Variants in COQ8A observed in about 807,000 individuals in gnomAD.
The protein encoded by COQ8A is atypical kinase COQ8A, mitochondrial.
Under a neutral mutation model 65.0 loss-of-function variants are expected in COQ8A, and 51 were observed. The ratio of observed to expected loss-of-function variants is 0.78; its 90% CI spans 0.63 to 0.99. COQ8A has a LOEUF of 0.99. Ranked by LOEUF, COQ8A falls within the 50% of genes least tolerant of loss-of-function variation. COQ8A has a pLI of 0.00. For synonymous variants in COQ8A, 371 were observed against 353.2 expected, an observed-to-expected ratio of 1.05 and a Z score of -0.57; for missense variants, 940 against 875.0, an observed-to-expected ratio of 1.07 and a Z score of -0.94.
At chr1:226,967,680 A>G (rs1658648134) in intron 4 of COQ8A, among the ~76,000 whole-genome samples, 1 of 152,166 alleles carries the variant, frequency 6.6e-6, no homozygotes. Context: ...GTGGGGGATT[A>G]TGGGTAGCCA....
chr1:226,972,467 A>G lies in COQ8A; in HGVS notation c.656-4982A>G, dbSNP rs1658962363. On this transcript the variant is annotated intron_variant, in intron 4 of 14. Coordinates refer to ENST00000366777, the MANE Select transcript of COQ8A (RefSeq NM_020247.5). This position sits in a 1 kb window ranked among gnomAD's most constrained non-coding sequence, Gnocchi z 4.3. ...GGGTATCCTATTATTTTTAAAAGGT[A>G]AAAGGTTGGGGGTCCCTTACTCCCA... Among the ~76,000 whole-genome samples the G allele has an allele frequency of 6.6e-6, 1 of 152,194 alleles. No homozygotes were observed. The highest frequency in any genetic ancestry group is 2.1e-4 in the South Asian group (1 of 4,830).
In COQ8A at chr1:226,983,764, T is replaced by C. The variant is rs1467589979; in HGVS notation, c.1166T>C (p.Leu389Pro). 1 of 1,612,980 alleles carries C rather than the reference T, an allele frequency of 6.2e-7. No individual in the cohort carries two copies. Among genetic ancestry groups the C allele is most frequent in the Non-Finnish European group, 8.5e-7 (1 of 1,179,998 alleles). The part of the protein sequence containing the change: ...LNMSNMLPEG[L>P]FPEHLIDVLR... The stretch of plus-strand genomic sequence containing the variant: ...GATGCCCTCCTCCCTGGCCCAGGCC[T>C]GTTCCCCGAGCACCTGATCGACGTG... The change falls in exon 10 of 15, where the codon CTG (leucine) becomes CCG (proline). Residue 389 changes from leucine to proline, a missense_variant. Physicochemically the swap from Leu to Pro is moderately conservative, Grantham distance 98. Coordinates refer to ENST00000366777, the MANE Select transcript of COQ8A (RefSeq NM_020247.5).
Position 226,940,345 on chromosome 1 carries a change from G to A in COQ8A, c.-64G>A, listed in dbSNP as rs553585711. 6.6e-6 allele frequency: 1 copy of A among 152,546 alleles called. No individual in the cohort carries two copies. The highest frequency in any genetic ancestry group is 1.5e-5 in the Non-Finnish European group (1 of 68,200). The allele number at this position is 152,546 out of a possible 1,614,324, so 9.4% of individuals were successfully genotyped here. A position where few individuals can be genotyped will look rare whatever the true frequency, so the allele number is the denominator to read the frequency against. The stretch of plus-strand genomic sequence containing the variant: ...GTCAGCGCGGTGGCCAGCGCGCAGA[G>A]GCGGGCGCGGAGGCGGCTAGAAGGT... On this transcript the variant is annotated 5_prime_UTR_variant, in exon 1 of 15. Transcript: ENST00000366777.
At chr1:226,977,318 A>T in intron 4 of COQ8A, 131 bp from the exon 5 acceptor site, 1 of 783,078 alleles carries the variant, frequency 1.3e-6, no homozygotes, top group South Asian at 1.7e-5. Flanking sequence ...ACTTTTCAAA[A>T]TGCTGGTGTG....
chr1:226,963,817 C>T (rs190324878), intron 2 of COQ8A, among the ~76,000 whole-genome samples: 1 of 152,290 alleles, frequency 6.6e-6, no homozygotes, highest in East Asian at 1.9e-4. Flanking sequence ...GTTGGCCAGG[C>T]TGGTCTCGAA....
chr1:226,978,563 GCCACACACCACCT>G (rs1659449266), intron 5 of COQ8A, among the ~76,000 whole-genome samples: 8 of 36,656 alleles, frequency 2.2e-4, no homozygotes, highest in Non-Finnish European at 2.9e-4. Flanking sequence ...ACCCCCCACA[GCCACACACCACCT>G]TACACACTCT....
At chr1:226,962,793 C>T (rs1189147827) in intron 2 of COQ8A, among the ~76,000 whole-genome samples, 1 of 152,230 alleles carries the variant, frequency 6.6e-6, no homozygotes, top group East Asian at 1.9e-4. Flanking sequence ...CTGTGCTCTC[C>T]CCCGAGCCTC....
At chr1:226,955,319 C>A (rs568707151) in intron 1 of COQ8A, among the ~76,000 whole-genome samples, 4 of 151,918 alleles carry the variant, frequency 2.6e-5, no homozygotes, top group Admixed American at 2.6e-4. Context: ...GTGGACTCTC[C>A]CTGACTCCCA....
chr1:226,982,154 G>A lies in COQ8A; in HGVS notation c.853+5G>A. ...GCCAGATGCTGAGCATCCAGGGTGA[G>A]TGGGCGCGGGGGCTGCTGCCCCGGG... On this transcript the variant is annotated splice_donor_5th_base_variant and intron_variant, in intron 6 of 14. Coordinates refer to ENST00000366777, the MANE Select transcript of COQ8A (RefSeq NM_020247.5). 1.3e-6 allele frequency: 2 copies of A among 1,577,012 alleles called. No homozygotes were observed. The highest frequency in any genetic ancestry group is 1.7e-6 in the Non-Finnish European group (2 of 1,161,688).
chr1:226,947,675 G>C (rs1053806345), intron 1 of COQ8A, among the ~76,000 whole-genome samples: 6 of 152,036 alleles, frequency 3.9e-5, no homozygotes, highest in African/African-American at 1.4e-4. Flanking sequence ...CAGGTGTGGT[G>C]GTACCCACCT....
chr1:226,983,109 C>G (rs1659819673), intron 8 of COQ8A, 75 bp downstream of exon 8: 2 of 1,516,764 alleles, frequency 1.3e-6, no homozygotes, highest in Non-Finnish European at 1.8e-6. Flanking sequence ...CTCATGGAGG[C>G]CTCTACACCC....
chr1:226,981,653 G>A (rs897501309), intron 5 of COQ8A, among the ~76,000 whole-genome samples: 1 of 152,200 alleles, frequency 6.6e-6, no homozygotes, highest in African/African-American at 2.4e-5. Flanking sequence ...CTCACCTGGG[G>A]TCCTCTGGGT....
At position 226,987,404 on chromosome 1, in the gene COQ8A, T is replaced by G. The variant is rs1660181880; in HGVS notation, c.*667T>G. On this transcript the variant is annotated 3_prime_UTR_variant, in exon 15 of 15. Transcript: ENST00000366777. ...TGCTGCTGGAAGGCGGGGTGGGACT[T>G]CCTTCCTCTGTCCGGAGAGGCACAG... 6.5e-6 allele frequency: 1 copy of G among 152,958 alleles called. No individual in the cohort carries two copies. The highest frequency in any genetic ancestry group is 1.5e-5 in the Non-Finnish European group (1 of 68,612). The allele number at this position is 152,958 out of a possible 1,614,324, so 9.5% of individuals were successfully genotyped here. A position where few individuals can be genotyped will look rare whatever the true frequency, so the allele number is the denominator to read the frequency against.
intron 6 of COQ8A, chr1:226,982,454 G>C (rs1042020800): frequency 1.5e-6 from 1 of 652,000 alleles, no homozygotes; most frequent in Admixed American, 2.8e-5. Flanking sequence ...TCTGCATGTT[G>C]AGTGTAAAAA....
chr1:226,965,434 G>C, intron 3 of COQ8A, 24 bp downstream of exon 3: 2 of 1,599,754 alleles, frequency 1.3e-6, no homozygotes, highest in Non-Finnish European at 1.7e-6. Context: ...GCCCCTGGAG[G>C]GCCGAGGTAG....
intron 4 of COQ8A, among the ~76,000 whole-genome samples, chr1:226,977,180 C>G (rs556613733): frequency 6.6e-6 from 1 of 152,084 alleles, no homozygotes; most frequent in East Asian, 1.9e-4. Context: ...TCCGTGTGCC[C>G]GTGAGCCTGT....
chr1:226,986,788 A>G lies in COQ8A; in HGVS notation c.*51A>G. ...TCCGCGGGAACTCTCTCCCTCAGAC[A>G]GGCCAAAAACCAGTAGCGAGGTCGT... On this transcript the variant is annotated 3_prime_UTR_variant, in exon 15 of 15. Transcript: ENST00000366777. 6.3e-7 allele frequency: 1 copy of G among 1,591,662 alleles called. No homozygotes were observed.
chr1:226,983,576 A>C lies in COQ8A; in HGVS notation c.1105A>C (p.Asn369His). 3 of 1,613,952 alleles carry C rather than the reference A, an allele frequency of 1.9e-6. No individual in the cohort carries two copies. Among genetic ancestry groups the C allele is most frequent in the Non-Finnish European group, 2.5e-6 (3 of 1,180,002 alleles). The change falls in exon 9 of 15, where the codon AAC becomes CAC. Residue 369 changes from asparagine to histidine, a missense_variant. Coordinates refer to ENST00000366777, the MANE Select transcript of COQ8A (RefSeq NM_020247.5). ...IQYPGVAQSI[N>H]SDVNNLMAVL... ...GTACCCTGGCGTGGCCCAGAGCATC[A>C]ACAGTGATGTCAACAACCTCATGGC... is the stretch of plus-strand genomic sequence containing the variant.
chr1:226,986,440 T>C lies in COQ8A; in HGVS notation c.1660-13T>C. On this transcript the variant is annotated splice_polypyrimidine_tract_variant and intron_variant, in intron 14 of 14. Transcript: ENST00000366777. ...GTGTCTCGCCGCCATTTATCCTTCC[T>C]CTCTTGCCCCAGGTCATGGAAGACG... The C allele has an allele frequency of 6.2e-7, 1 of 1,610,850 alleles. No individual in the cohort carries two copies. Among genetic ancestry groups the C allele is most frequent in the Non-Finnish European group, 8.5e-7 (1 of 1,179,820 alleles).
Sources: gnomAD v4.1 joint callset for allele counts (sites outside exome capture counted in the v4.1 genomes callset) on GRCh38, gnomAD v4.1.1 for gene constraint, Gnocchi (gnomAD v3.1) non-coding constraint, MANE v1.5 for transcripts, NCBI Gene and HGNC (gene_info 2026-07-23, HGNC 2026-07-21) for gene names.